Variants in MANBA observed in about 807,000 individuals in gnomAD.
The protein encoded by MANBA is mannosidase beta.
A neutral mutation model predicts 111.1 loss-of-function variants in MANBA; 83 were observed. The observed-to-expected ratio is 0.75, with a 90% confidence interval of 0.63 to 0.90. The LOEUF is 0.90. Among genes scored for constraint, MANBA ranks in the 40% least tolerant of loss-of-function variants. The pLI is 0.00. For synonymous variants in MANBA, 370 were observed against 378.7 expected (o/e 0.98, Z 0.27); for missense variants, 1,036 against 1,069.0 (o/e 0.97, Z 0.43).
intron 13 of MANBA, among the ~76,000 whole-genome samples, chr4:102,645,762 C>G (rs1730076448): frequency 6.6e-6 from 1 of 152,006 alleles, no homozygotes; most frequent in South Asian, 2.1e-4. Flanking sequence ...CAAGTGTCCT[C>G]TCTTTTTTCT....
chr4:102,672,782 T>A (rs976580464), intron 8 of MANBA, among the ~76,000 whole-genome samples: 1 of 152,140 alleles, frequency 6.6e-6, no homozygotes, highest in African/African-American at 2.4e-5. Context: ...GGTTGCATGC[T>A]CCTTATGAGA....
intron 4 of MANBA, 97 bp from the exon 5 acceptor site, chr4:102,714,658 A>AT: frequency 8.1e-7 from 1 of 1,234,704 alleles, no homozygotes; most frequent in Non-Finnish European, 1.2e-6. Flanking sequence ...ATATGTGTAT[A>AT]TAAGTTTGCT....
Position 102,760,793 on chromosome 4 carries a change from C to G in MANBA, c.102G>C (p.Gly34=). The G allele has an allele frequency of 1.3e-6, 2 of 1,556,488 alleles. No individual in the cohort carries two copies. Among genetic ancestry groups the G allele is most frequent in the Non-Finnish European group, 1.7e-6 (2 of 1,150,086 alleles). The stretch of plus-strand genomic sequence containing the variant: ...CCCCGGGCAGCTCCAGCGAGCCGTT[C>G]CCATTGCAGATGCTCCAGTTGCCAC... ...SLRGNWSICN[G]NGSLELPGAV... Residue 34 remains glycine, a synonymous_variant, in exon 1 of 17, where the codon GGG becomes GGC. Coordinates refer to ENST00000647097, the MANE Select transcript of MANBA (RefSeq NM_005908.4).
intron 7 of MANBA, among the ~76,000 whole-genome samples, chr4:102,678,325 C>T (rs1366684695): frequency 1.3e-5 from 2 of 152,138 alleles, no homozygotes; most frequent in African/African-American, 4.8e-5. Flanking sequence ...GAAAGGCTCC[C>T]GCTTCTATGA....
intron 5 of MANBA, among the ~76,000 whole-genome samples, chr4:102,708,152 CAAATGAAACT>C (rs1464496244): frequency 1.3e-5 from 2 of 152,022 alleles, no homozygotes; most frequent in East Asian, 3.9e-4. Context: ...TACTTTAGAC[CAAATGAAACT>C]AATACACATT....
chr4:102,708,539 C>G (rs1413488816), intron 5 of MANBA, among the ~76,000 whole-genome samples: 2 of 151,986 alleles, frequency 1.3e-5, no homozygotes, highest in East Asian at 3.9e-4. Flanking sequence ...CAGATACTTA[C>G]ATCCAAAAAG....
intron 8 of MANBA, 121 bp downstream of exon 8, chr4:102,673,798 G>A (rs1731602022): frequency 1.1e-5 from 10 of 901,674 alleles, no homozygotes; most frequent in East Asian, 2.5e-5. Flanking sequence ...CCATCGTCTA[G>A]AATTCTATAC....
chr4:102,650,907 G>C, intron 12 of MANBA: 1 of 562,320 alleles, frequency 1.8e-6, no homozygotes, highest in Non-Finnish European at 3.2e-6. Flanking sequence ...ACAAAACCAG[G>C]GTTTGGTACA....
chr4:102,748,936 G>T (rs940245467), intron 1 of MANBA, among the ~76,000 whole-genome samples: 4 of 151,842 alleles, frequency 2.6e-5, no homozygotes, highest in African/African-American at 9.7e-5. Flanking sequence ...AAACCCATTT[G>T]CTATTTATAT....
intron 5 of MANBA, among the ~76,000 whole-genome samples, chr4:102,702,447 T>A (rs1457458291): frequency 6.6e-6 from 1 of 152,120 alleles, no homozygotes; most frequent in Non-Finnish European, 1.5e-5. Flanking sequence ...TTTTTAGAGT[T>A]TCCAGTTTTT....
At chr4:102,755,127 G>T (rs1723959896) in intron 1 of MANBA, among the ~76,000 whole-genome samples, 1 of 152,080 alleles carries the variant, frequency 6.6e-6, no homozygotes. Context: ...CTACTTTAAA[G>T]TTCATATGGA....
At chr4:102,728,782 C>A in intron 1 of MANBA, 1 of 952,804 alleles carries the variant, frequency 1.0e-6, no homozygotes, top group South Asian at 1.5e-5. Flanking sequence ...AGGACACCAG[C>A]CTCCCATCAT....
At chr4:102,718,368 C>T (rs1722425416) in intron 4 of MANBA, among the ~76,000 whole-genome samples, 1 of 151,848 alleles carries the variant, frequency 6.6e-6, no homozygotes, top group African/African-American at 2.4e-5. Context: ...TATTGGGAGA[C>T]AATGGCAAAT....
intron 10 of MANBA, 169 bp downstream of exon 10, chr4:102,668,794 G>T: frequency 1.6e-6 from 1 of 628,126 alleles, no homozygotes. Context: ...AATAGATGAT[G>T]GTAAAGCCAT....
chr4:102,723,807 CA>C, intron 3 of MANBA, 54 bp downstream of exon 3: 4 of 974,556 alleles, frequency 4.1e-6, no homozygotes, highest in Non-Finnish European at 4.8e-6. Flanking sequence ...CTCACAAAAG[CA>C]ATTAACATAA....
intron 13 of MANBA, among the ~76,000 whole-genome samples, chr4:102,640,681 G>C (rs1402823554): frequency 6.6e-6 from 1 of 152,194 alleles, no homozygotes; most frequent in African/African-American, 2.4e-5. Flanking sequence ...GAAGGCCTTA[G>C]AATAGGGCTG....
At chr4:102,749,129 A>G (rs915547221) in intron 1 of MANBA, among the ~76,000 whole-genome samples, 2 of 152,154 alleles carry the variant, frequency 1.3e-5, no homozygotes, top group East Asian at 3.8e-4. Flanking sequence ...AACTGTAACC[A>G]AGATTCTAGG....
rs776399557 is a variant in MANBA, at chr4:102,671,319, C to A, written c.1192G>T (p.Asp398Tyr). 1 of 1,601,180 alleles carries A rather than the reference C, an allele frequency of 6.2e-7. No homozygotes were observed. The highest frequency in any genetic ancestry group is 2.2e-5 in the East Asian group (1 of 44,730). The change falls in exon 9 of 17, where the codon GAT becomes TAT. Residue 398 changes from aspartate to tyrosine, a missense_variant. Asp to Tyr is a radical substitution (Grantham distance 160). Transcript: ENST00000647097. ...RVWGGGIYEQ[D>Y]EFYELCDELG... ...TCATCACAGAGTTCATAGAATTCAT[C>A]CTGCTCATAAATTCCTCCTCCCCAA...
Position 102,631,847 on chromosome 4 carries a change from G to A in MANBA, c.*210C>T. On this transcript the variant is annotated 3_prime_UTR_variant, in exon 17 of 17. Transcript: ENST00000647097. ...CTGGCACAGATTCCAGGACACCCCG[G>A]CACAGGCTTGTTTGAGGACATTGCC... The A allele has an allele frequency of 1.6e-6, 1 of 633,326 alleles. No individual in the cohort carries two copies. The highest frequency in any genetic ancestry group is 1.9e-5 in the South Asian group (1 of 54,032). 39.2% of individuals were successfully genotyped at this position (633,326 alleles called of 1,614,324 possible). A position where few individuals can be genotyped will look rare whatever the true frequency, so the allele number is the denominator to read the frequency against.
Sources: gnomAD v4.1 joint callset for allele counts (sites outside exome capture counted in the v4.1 genomes callset) on GRCh38, gnomAD v4.1.1 for gene constraint, MANE v1.5 for transcripts, NCBI Gene and HGNC (gene_info 2026-07-23, HGNC 2026-07-21) for gene names.